The following VAC14 variants were observed in gnomAD, a reference collection of about 807,000 sequenced individuals.
VAC14 encodes the protein VAC14 component of PIKFYVE complex, also known as protein VAC14 homolog.
Under a neutral mutation model 85.3 loss-of-function variants are expected in VAC14, and 47 were observed. That is an observed-to-expected ratio of 0.55 (90% CI 0.44 to 0.70). The LOEUF (loss-of-function observed/expected upper bound fraction) is 0.70. Among genes scored for constraint, VAC14 ranks in the 30% least tolerant of loss-of-function variants. The pLI is 0.00. For synonymous variants in VAC14, 447 were observed against 430.5 expected, an observed-to-expected ratio of 1.04 and a Z score of -0.47; for missense variants, 861 against 1,004.3, an observed-to-expected ratio of 0.86 and a Z score of 1.93.
At chr16:70,783,618 C>T in intron 5 of VAC14, 64 bp from the exon 6 acceptor site, 1 of 1,532,712 alleles carries the variant, frequency 6.5e-7, no homozygotes, top group Non-Finnish European at 9.0e-7. Flanking sequence ...GCTCACCAAG[C>T]CTCTGGGACT....
chr16:70,783,473 C>G lies in VAC14; in HGVS notation c.676G>C (p.Gly226Arg). 6.2e-7 allele frequency: 1 copy of G among 1,614,084 alleles called. No homozygotes were observed. ...TTGCGAATCTCTTTGCCATTGTCAC[C>G]CAGGATCTGGAAGAGTCCATCCAGG... ...EILDGLFQILGDNGKEIRKMC... is the reference protein window; with the variant it reads ...EILDGLFQILRDNGKEIRKMC... The change falls in exon 6 of 19, where the codon GGT becomes CGT. Residue 226 changes from glycine (G) to arginine (R), a missense_variant. Coordinates refer to ENST00000261776, the MANE Select transcript of VAC14 (RefSeq NM_018052.5).
chr16:70,710,546 G>A (rs922100956), intron 14 of VAC14, among the ~76,000 whole-genome samples: 33 of 152,206 alleles, frequency 2.2e-4, no homozygotes, highest in African/African-American at 7.5e-4. Context: ...CCCCTTGCCC[G>A]TGTTCTGATC....
At chr16:70,786,043 G>A in intron 2 of VAC14, 172 bp downstream of exon 2, 2 of 1,350,012 alleles carry the variant, frequency 1.5e-6, no homozygotes, top group Non-Finnish European at 2.0e-6. Context: ...ATGCCTAGGG[G>A]ACCAGGCTGC....
chr16:70,699,876 G>A (rs555229687), intron 14 of VAC14: 28 of 152,326 alleles, frequency 1.8e-4, no homozygotes, highest in African/African-American at 6.3e-4. Flanking sequence ...TGGCGGCAGC[G>A]TGGCACCCCT....
At chr16:70,729,610 C>T (rs376044791) in intron 14 of VAC14, among the ~76,000 whole-genome samples, 2 of 152,020 alleles carry the variant, frequency 1.3e-5, no homozygotes, top group South Asian at 2.1e-4. Flanking sequence ...CCTGCTTGGC[C>T]GCTTCCTTTA....
At chr16:70,780,980 CCTGT>C (rs2033784728) in intron 8 of VAC14, 41 bp from the exon 9 acceptor site, 1 of 1,610,690 alleles carries the variant, frequency 6.2e-7, no homozygotes, top group Non-Finnish European at 8.5e-7. Context: ...GATTTGGATG[CCTGT>C]CTCTCTAAAT....
chr16:70,738,960 G>A (rs185209582), intron 13 of VAC14, among the ~76,000 whole-genome samples: 318 of 152,350 alleles, frequency 2.1e-3, no homozygotes, highest in African/African-American at 7.4e-3. Flanking sequence ...CACCCAGGCA[G>A]CCTGAGATAA....
chr16:70,688,551 C>T (rs760759028), intron 18 of VAC14: 25 of 985,882 alleles, frequency 2.5e-5, no homozygotes, highest in African/African-American at 5.2e-5. Context: ...GAGCCTCTGC[C>T]GGGCCCTCCA....
intron 1 of VAC14, among the ~76,000 whole-genome samples, chr16:70,800,134 AAAAT>A (rs1200238565): frequency 1.3e-5 from 2 of 152,228 alleles, no homozygotes; most frequent in Non-Finnish European, 2.9e-5. Flanking sequence ...TGCAGAAAAA[AAAAT>A]AAATAAAACA....
In VAC14 at chr16:70,786,349, C is replaced by G. The variant is rs750597922; in HGVS notation, c.121G>C (p.Val41Leu). 6.2e-7 allele frequency: 1 copy of G among 1,614,008 alleles called. No individual in the cohort carries two copies. Among genetic ancestry groups the G allele is most frequent in the Non-Finnish European group, 8.5e-7 (1 of 1,179,900 alleles). ...ATTTGCACGGTATTGTTCTGGGCCACGAACTCCCGGACCAGCCTGGAGAGA... is the reference window on the plus strand; with the variant it reads ...ATTTGCACGGTATTGTTCTGGGCCAGGAACTCCCGGACCAGCCTGGAGAGA... ...LEIEKLVREF[V>L]AQNNTVQIKH... The change falls in exon 2 of 19, where the codon GTG becomes CTG. Residue 41 changes from valine to leucine, a missense_variant. Val to Leu is a conservative substitution (Grantham distance 32). This residue lies in a region of VAC14 where 629 missense variants were observed against 703.1 expected (regional missense o/e 0.89). Coordinates refer to ENST00000261776, the MANE Select transcript of VAC14 (RefSeq NM_018052.5).
intron 14 of VAC14, among the ~76,000 whole-genome samples, chr16:70,712,760 C>A (rs573254672): frequency 6.6e-6 from 1 of 152,186 alleles, no homozygotes; most frequent in Non-Finnish European, 1.5e-5. Context: ...TACTGCTATA[C>A]CATTCTGCAT....
chr16:70,763,584 G>C (rs1284342721), intron 10 of VAC14, among the ~76,000 whole-genome samples: 1 of 152,234 alleles, frequency 6.6e-6, no homozygotes, highest in Non-Finnish European at 1.5e-5. Context: ...GCTTGTCATT[G>C]TGCCTTGCCA....
rs377441155 is a variant in VAC14, at chr16:70,710,096, G to A, written c.1662-11285C>T. 7.9e-5 allele frequency among the ~76,000 whole-genome samples: 12 copies of A among 152,328 alleles called. No homozygotes were observed. In the South Asian group the frequency reaches 2.3e-3, roughly 29 times the overall value. ...TTCCTGGCCCTGCCTGCCCTTGCAC[G>A]CCCCTGCCACCCGCATGGGACAGGA... On this transcript the variant is annotated intron_variant, in intron 14 of 18. Transcript: ENST00000261776.
Position 70,687,949 on chromosome 16 carries a change from C to T in VAC14, c.2328G>A (p.Leu776=), listed in dbSNP as rs762828422. 1.3e-6 allele frequency: 2 copies of T among 1,574,194 alleles called. No homozygotes were observed. Among genetic ancestry groups the T allele is most frequent in the East Asian group, 2.3e-5 (1 of 42,636 alleles). The change falls in exon 19 of 19, where the codon CTG becomes CTA. Residue 776 remains leucine, a synonymous_variant. Coordinates refer to ENST00000261776, the MANE Select transcript of VAC14 (RefSeq NM_018052.5). The part of the protein sequence containing the change: ...RHQRSGRGDH[L]DRRVVL Reference sequence around the variant, plus strand: ...CCTGTCAGAGGACAACCCTCCGGTCCAGGTGGTCCCCACGCCCGCTCCGCT... The same window carrying T: ...CCTGTCAGAGGACAACCCTCCGGTCTAGGTGGTCCCCACGCCCGCTCCGCT...
chr16:70,730,804 T>A (rs1403127541), intron 14 of VAC14, among the ~76,000 whole-genome samples: 4 of 151,994 alleles, frequency 2.6e-5, no homozygotes, highest in Non-Finnish European at 4.4e-5. Context: ...TCTCCAGTGA[T>A]CTAACCTGCA....
intron 12 of VAC14, among the ~76,000 whole-genome samples, chr16:70,753,375 G>T (rs2031558727): frequency 6.6e-6 from 1 of 152,194 alleles, no homozygotes; most frequent in Non-Finnish European, 1.5e-5. Flanking sequence ...TGCCAACAGG[G>T]AGGTGCCTGG....
At chr16:70,763,396 C>T (rs774175869) in intron 10 of VAC14, among the ~76,000 whole-genome samples, 73 of 152,232 alleles carry the variant, frequency 4.8e-4, no homozygotes, top group Non-Finnish European at 8.8e-4. Flanking sequence ...GAAACCCTCT[C>T]CCAGTCACTG....
intron 12 of VAC14, among the ~76,000 whole-genome samples, chr16:70,756,397 G>C (rs989454511): frequency 6.6e-6 from 1 of 152,164 alleles, no homozygotes; most frequent in Non-Finnish European, 1.5e-5. Context: ...GAGTTTTTCC[G>C]ATCCATTTCT....
At chr16:70,698,544 G>T in intron 15 of VAC14, 93 bp downstream of exon 15, 1 of 1,486,896 alleles carries the variant, frequency 6.7e-7, no homozygotes, top group Non-Finnish European at 9.2e-7. Flanking sequence ...CTCCCTGAGA[G>T]CCTCCTGGGG....
Sources: allele counts gnomAD v4.1 joint callset (sites outside exome capture counted in the v4.1 genomes callset), GRCh38; gene constraint gnomAD v4.1.1; regional missense constraint gnomAD v4.1.1; transcripts MANE v1.5; gene names NCBI Gene and HGNC (gene_info 2026-07-23, HGNC 2026-07-21).